Variants in SPATA17 observed in about 807,000 individuals in gnomAD.
The protein encoded by SPATA17 is spermatogenesis associated 17.
Under a neutral mutation model 62.2 loss-of-function variants are expected in SPATA17, and 53 were observed. That is an observed-to-expected ratio of 0.85 (90% CI 0.68 to 1.07). The LOEUF (loss-of-function observed/expected upper bound fraction) is 1.07, where lower values mean the gene tolerates loss of function less well. SPATA17 is among the 50% of genes least tolerant of loss of function. The pLI is 0.00. For missense variants in SPATA17, 466 were observed against 425.5 expected (o/e 1.10, Z -0.84); for synonymous variants, 146 against 146.8 (o/e 0.99, Z 0.04).
intron 2 of SPATA17, among the ~76,000 whole-genome samples, chr1:217,650,148 A>G (rs1670277262): frequency 6.6e-6 from 1 of 151,984 alleles, no homozygotes; most frequent in Non-Finnish European, 1.5e-5. Flanking sequence ...CATGTTGGTC[A>G]GGCTGGTCTC....
intron 4 of SPATA17, among the ~76,000 whole-genome samples, chr1:217,677,748 T>C (rs1670981405): frequency 6.6e-6 from 1 of 152,066 alleles, no homozygotes; most frequent in Admixed American, 6.6e-5. Flanking sequence ...AATGATTAAA[T>C]AGATTTGTAG....
intron 9 of SPATA17, among the ~76,000 whole-genome samples, chr1:217,845,370 T>C (rs1212169146): frequency 6.6e-6 from 1 of 152,096 alleles, no homozygotes. Context: ...GAAGCCTCTT[T>C]CTAGGCTCCA....
Position 217,811,296 on chromosome 1 carries a change from G to A in SPATA17, c.1005+9446G>A, listed in dbSNP as rs148920762. Among the ~76,000 whole-genome samples the A allele has an allele frequency of 1.3e-3, 198 of 152,200 alleles. 2 individuals carry two copies. Among genetic ancestry groups the A allele is most frequent in the African/African-American group, 4.2e-3 (176 of 41,540 alleles). ...TCAAGCCAAGGCTTCCCAAAGTGCT[G>A]GGATTACAGGCGTGAGCCACCACAC... On this transcript the variant is annotated intron_variant, in intron 9 of 10. Transcript: ENST00000366933.
intron 5 of SPATA17, among the ~76,000 whole-genome samples, chr1:217,713,894 A>AAAGTTTCTC (rs1671934297): frequency 6.6e-6 from 1 of 152,212 alleles, no homozygotes; most frequent in Admixed American, 6.5e-5. Flanking sequence ...TTAGAGAATA[A>AAAGTTTCTC]AAGTTTCTCA....
chr1:217,798,874 CTTT>C (rs879820882), intron 8 of SPATA17, among the ~76,000 whole-genome samples: 1 of 139,948 alleles, frequency 7.1e-6, no homozygotes. Flanking sequence ...TATTTTCTGT[CTTT>C]TTTTTTTTTT....
chr1:217,815,832 C>T lies in SPATA17; in HGVS notation c.1005+13982C>T, dbSNP rs1459683079. Reference sequence around the variant, plus strand: ...GTGGACTGCTCTACAGATTTAACACCTGCCAGTTTCCAAAATTGCGTAAGC... The same window carrying T: ...GTGGACTGCTCTACAGATTTAACACTTGCCAGTTTCCAAAATTGCGTAAGC... On this transcript the variant is annotated intron_variant, in intron 9 of 10. Coordinates refer to ENST00000366933, the MANE Select transcript of SPATA17 (RefSeq NM_138796.4). 2.6e-5 allele frequency among the ~76,000 whole-genome samples: 4 copies of T among 152,140 alleles called. No individual in the cohort carries two copies. The East Asian group carries it at 7.7e-4, about 29-fold the overall frequency.
In SPATA17 at chr1:217,649,961, C is replaced by T. The variant is rs368565278; in HGVS notation, c.158+990C>T. On this transcript the variant is annotated intron_variant, in intron 2 of 10. Transcript: ENST00000366933. ...TTTTTTTTTTTTTTTTTTTCTGAAACGGAGTTTTGCTCTTGTTGTCCAGGC... is the reference window on the plus strand; with the variant it reads ...TTTTTTTTTTTTTTTTTTTCTGAAATGGAGTTTTGCTCTTGTTGTCCAGGC... 6.4e-5 allele frequency among the ~76,000 whole-genome samples: 7 copies of T among 109,492 alleles called. No homozygotes were observed. The East Asian group carries it at 1.6e-3, about 25-fold the overall frequency. 71.8% of individuals were successfully genotyped at this position (109,492 alleles called of 152,430 possible). A position where few individuals can be genotyped will look rare whatever the true frequency, so the allele number is the denominator to read the frequency against.
intron 6 of SPATA17, among the ~76,000 whole-genome samples, chr1:217,743,013 G>A (rs1445248996): frequency 5.8e-5 from 4 of 69,198 alleles, no homozygotes; most frequent in African/African-American, 1.8e-4. Flanking sequence ...TAGATCTCCC[G>A]CATCTCTAGC....
chr1:217,668,594 G>C (rs1047794789), intron 3 of SPATA17, among the ~76,000 whole-genome samples: 1 of 152,158 alleles, frequency 6.6e-6, no homozygotes, highest in African/African-American at 2.4e-5. Context: ...GATTTCAACT[G>C]AAGACAGCAT....
At chr1:217,738,806 G>T (rs532912851) in intron 5 of SPATA17, among the ~76,000 whole-genome samples, 1 of 152,280 alleles carries the variant, frequency 6.6e-6, no homozygotes, top group East Asian at 1.9e-4. Context: ...ACAAAAATTA[G>T]CTGGGCGTGG....
chr1:217,829,766 G>T (rs1675089411), intron 9 of SPATA17, among the ~76,000 whole-genome samples: 1 of 151,692 alleles, frequency 6.6e-6, no homozygotes, highest in Admixed American at 6.6e-5. Flanking sequence ...GATTGGGGTG[G>T]CGAGAGAAAT....
At chr1:217,672,530 A>G (rs1657582185) in intron 4 of SPATA17, among the ~76,000 whole-genome samples, 1 of 152,198 alleles carries the variant, frequency 6.6e-6, no homozygotes, top group Admixed American at 6.5e-5. Context: ...ACTAAAATGT[A>G]TTCAATTGTC....
intron 5 of SPATA17, among the ~76,000 whole-genome samples, chr1:217,702,970 G>A (rs1006801503): frequency 2.7e-5 from 4 of 149,394 alleles, no homozygotes; most frequent in East Asian, 2.0e-4. Flanking sequence ...TCCATCTCCC[G>A]TGTTCAAGTG....
intron 3 of SPATA17, among the ~76,000 whole-genome samples, chr1:217,657,915 T>C (rs1187244670): frequency 6.6e-6 from 1 of 151,998 alleles, no homozygotes; most frequent in Non-Finnish European, 1.5e-5. Flanking sequence ...TGGCGGAAGG[T>C]GAAAGGTATG....
chr1:217,702,371 A>G (rs61827800), intron 5 of SPATA17, among the ~76,000 whole-genome samples: 19,286 of 152,116 alleles, frequency 0.13, 1,364 homozygotes, highest in Non-Finnish European at 0.16. Flanking sequence ...TTGTTGCTAC[A>G]TCAGTTTCCC....
At chr1:217,737,842 T>TC (rs1672545409) in intron 5 of SPATA17, 2 of 151,740 alleles carry the variant, frequency 1.3e-5, no homozygotes, top group Admixed American at 1.3e-4. Context: ...TTTTTTTTTT[T>TC]TGAGATAGAG....
rs1166332957 is a variant in SPATA17 at position 217,651,188 on chromosome 1, A to C, written c.240+10A>C. 1 of 1,576,870 alleles carries C rather than the reference A, an allele frequency of 6.3e-7. No individual in the cohort carries two copies. The highest frequency in any genetic ancestry group is 2.2e-5 in the East Asian group (1 of 44,490). On this transcript the variant is annotated intron_variant, in intron 3 of 10. Transcript: ENST00000366933. ...TCAACTAACTGTGCAGGTAAATATA[A>C]AATGTACATATGTTAGCATTTGAAT...
chr1:217,754,210 G>A (rs1672984941), intron 6 of SPATA17, among the ~76,000 whole-genome samples: 1 of 152,066 alleles, frequency 6.6e-6, no homozygotes, highest in African/African-American at 2.4e-5. Flanking sequence ...ACTCCAGCCT[G>A]GGCAACAAAG....
chr1:217,714,784 C>T (rs1407657631), intron 5 of SPATA17, among the ~76,000 whole-genome samples: 2 of 151,876 alleles, frequency 1.3e-5, no homozygotes, highest in African/African-American at 2.4e-5. Flanking sequence ...CGCGCCCAGC[C>T]GGAAAACGTG....
Sources: allele counts gnomAD v4.1 joint callset (sites outside exome capture counted in the v4.1 genomes callset), GRCh38; gene constraint gnomAD v4.1.1; transcripts MANE v1.5; gene names NCBI Gene and HGNC (gene_info 2026-07-23, HGNC 2026-07-21).